Variants in CASP10 observed in about 807,000 individuals in gnomAD.
CASP10 encodes caspase-10.
Under a neutral mutation model 48.5 loss-of-function variants are expected in CASP10, and 41 were observed. The observed-to-expected ratio is 0.85, with a 90% confidence interval of 0.66 to 1.10. CASP10 has a LOEUF of 1.10. CASP10 is among the 50% of genes least tolerant of loss of function. The probability of loss-of-function intolerance (pLI) is 0.00; values close to 1 mark genes in which losing one functional copy is unlikely to be tolerated. For synonymous variants in CASP10, 232 were observed against 238.4 expected (o/e 0.97, Z 0.25); for missense variants, 614 against 614.5 (o/e 1.00, Z 0.01).
intron 9 of CASP10, 44 bp downstream of exon 9, chr2:201,209,606 A>G (rs1401864207): frequency 6.4e-7 from 1 of 1,561,522 alleles, no homozygotes; most frequent in South Asian, 1.2e-5. Flanking sequence ...AATTAGTTTT[A>G]TTTATTTTTT....
At chr2:201,207,616 G>A (rs1945248590) in intron 7 of CASP10, among the ~76,000 whole-genome samples, 1 of 152,136 alleles carries the variant, frequency 6.6e-6, no homozygotes, top group Non-Finnish European at 1.5e-5. Flanking sequence ...AATTACCTGG[G>A]CATGGTGGCG....
rs185318287 is a variant in CASP10 at position 201,219,655 on chromosome 2, C to T, written c.*1914C>T. 1.2e-4 allele frequency: 118 copies of T among 984,024 alleles called. 1 individual carries two copies. Among genetic ancestry groups the T allele is most frequent in the East Asian group, 1.1e-4 (1 of 8,774 alleles). The allele number at this position is 984,024 out of a possible 1,614,324, so 61.0% of individuals were successfully genotyped here. Reference sequence around the variant, plus strand: ...CCTGAAGGGAGTGGCTCTGTAAGGACGCCTTGATGCTTTCTTCATTAAGAT... The same window carrying T: ...CCTGAAGGGAGTGGCTCTGTAAGGATGCCTTGATGCTTTCTTCATTAAGAT... On this transcript the variant is annotated 3_prime_UTR_variant, in exon 10 of 10. Transcript: ENST00000286186.
intron 3 of CASP10, among the ~76,000 whole-genome samples, chr2:201,188,363 A>G (rs1463316533): frequency 6.6e-6 from 1 of 152,036 alleles, no homozygotes; most frequent in Non-Finnish European, 1.5e-5. Context: ...TATTTTTAGT[A>G]CAGACAGGGT....
At chr2:201,189,351 C>G (rs1359230800) in intron 3 of CASP10, among the ~76,000 whole-genome samples, 1 of 150,654 alleles carries the variant, frequency 6.6e-6, no homozygotes, top group Admixed American at 6.6e-5. Context: ...TCACTGCAAC[C>G]TCTGCCTCCC....
At position 201,212,648 on chromosome 2, in the gene CASP10, C is replaced by T. The variant is rs1945436894; in HGVS notation, c.1415+3086C>T. ...GCCAATTAGTAGAAAAGATATAATT[C>T]CTACACCCTCTCATCTGATAAAGAG... On this transcript the variant is annotated intron_variant, in intron 9 of 9. Transcript: ENST00000286186. The T allele has an allele frequency of 2.0e-5, 3 of 152,140 alleles. No homozygotes were observed. In the South Asian group the frequency reaches 6.2e-4, roughly 32 times the overall value. 9.4% of individuals were successfully genotyped at this position (152,140 alleles called of 1,614,324 possible).
rs41372045 is a variant in CASP10 at position 201,190,957 on chromosome 2, G to C, written c.442-2027G>C. On this transcript the variant is annotated intron_variant, in intron 3 of 9. Coordinates refer to ENST00000286186, the MANE Select transcript of CASP10 (RefSeq NM_032977.4). ...GCTCACTGCAACCTCTGCCTCCTGG[G>C]TTCAAGTGATCCTCCTGCCTCAGCC... Among the ~76,000 whole-genome samples the C allele has an allele frequency of 1.5e-3, 226 of 152,036 alleles. 3 individuals carry two copies. Among genetic ancestry groups the C allele is most frequent in the African/African-American group, 5.4e-3 (222 of 41,478 alleles).
In CASP10 at chr2:201,205,889, A is replaced by G. The variant is rs374515060; in HGVS notation, c.729A>G (p.Arg243=). 3.5e-5 allele frequency: 56 copies of G among 1,605,352 alleles called. No individual in the cohort carries two copies. Among genetic ancestry groups the G allele is most frequent in the Non-Finnish European group, 4.7e-5 (55 of 1,172,166 alleles). Residue 243 remains arginine (R), a synonymous_variant, in exon 7 of 10, where the codon AGA becomes AGG. Coordinates refer to ENST00000286186, the MANE Select transcript of CASP10 (RefSeq NM_032977.4). Reference sequence around the variant, plus strand: ...GAGTACCTCTCTTTCTAGGTAACAGAGCCACAAATGGTGCACCAAGCCTGG... The same window carrying G: ...GAGTACCTCTCTTTCTAGGTAACAGGGCCACAAATGGTGCACCAAGCCTGG... ...QNKHAGSNGN[R]ATNGAPSLVS...
chr2:201,208,414 G>A (rs1559308265), intron 8 of CASP10: 2 of 981,350 alleles, frequency 2.0e-6, no homozygotes, highest in African/African-American at 1.8e-5. Flanking sequence ...GGGAGAGCCT[G>A]CTGGATTGGC....
intron 4 of CASP10, chr2:201,193,359 C>A (rs1038389995): frequency 1.3e-4 from 50 of 391,500 alleles, no homozygotes; most frequent in African/African-American, 1.0e-3. Context: ...AGGAGCCTGC[C>A]ACCACGCCTG....
At position 201,220,469 on chromosome 2, in the gene CASP10, G is replaced by A. The variant is rs1329186562; in HGVS notation, c.*2728G>A. 6.5e-6 allele frequency: 1 copy of A among 153,490 alleles called. No individual in the cohort carries two copies. The highest frequency in any genetic ancestry group is 2.4e-5 in the African/African-American group (1 of 41,432). The allele number at this position is 153,490 out of a possible 1,614,324, so 9.5% of individuals were successfully genotyped here. ...GGGAAGCTAAAAGCAGACTGGAGGGGGGTGGGGTGTACCTACAGCTGCAGA... is the reference window on the plus strand; with the variant it reads ...GGGAAGCTAAAAGCAGACTGGAGGGAGGTGGGGTGTACCTACAGCTGCAGA... On this transcript the variant is annotated 3_prime_UTR_variant, in exon 10 of 10. Transcript: ENST00000286186.
At chr2:201,192,898 C>G in intron 3 of CASP10, 86 bp from the exon 4 acceptor site, 1 of 1,391,174 alleles carries the variant, frequency 7.2e-7, no homozygotes, top group Non-Finnish European at 1.0e-6. Context: ...AGTGCAAAAC[C>G]TAGTGCCTAC....
chr2:201,212,020 C>G (rs1945412678), intron 9 of CASP10, among the ~76,000 whole-genome samples: 1 of 152,162 alleles, frequency 6.6e-6, no homozygotes, highest in African/African-American at 2.4e-5. Flanking sequence ...GCAATCTCAG[C>G]TCACTGCAGC....
chr2:201,219,962 T>C lies in CASP10; in HGVS notation c.*2221T>C, dbSNP rs1048295684. ...AGGGCATTAGGAGTGTTTCATTTGA[T>C]ATGTGAATGCTCATAAAAAAATGTC... On this transcript the variant is annotated 3_prime_UTR_variant, in exon 10 of 10. Coordinates refer to ENST00000286186, the MANE Select transcript of CASP10 (RefSeq NM_032977.4). The C allele has an allele frequency of 1.0e-6, 1 of 985,308 alleles. No homozygotes were observed. Among genetic ancestry groups the C allele is most frequent in the African/African-American group, 1.7e-5 (1 of 57,234 alleles). 61.0% of individuals were successfully genotyped at this position (985,308 alleles called of 1,614,324 possible).
In CASP10 at chr2:201,195,825, T is replaced by C. The variant is rs776556990; in HGVS notation, c.578-17T>C. ...AGAAGGTGATTTTTATTTTTCTGTCTGTGATTTTATTTTCAGCTATCCAGA... is the reference window on the plus strand; with the variant it reads ...AGAAGGTGATTTTTATTTTTCTGTCCGTGATTTTATTTTCAGCTATCCAGA... On this transcript the variant is annotated splice_polypyrimidine_tract_variant and intron_variant, in intron 4 of 9. Coordinates refer to ENST00000286186, the MANE Select transcript of CASP10 (RefSeq NM_032977.4). 3.8e-6 allele frequency: 6 copies of C among 1,583,196 alleles called. No homozygotes were observed. Among genetic ancestry groups the C allele is most frequent in the Non-Finnish European group, 5.2e-6 (6 of 1,152,064 alleles).
Position 201,218,804 on chromosome 2 carries a change from C to T in CASP10, c.*1063C>T. The T allele has an allele frequency of 2.0e-6, 2 of 985,480 alleles. No homozygotes were observed. Among genetic ancestry groups the T allele is most frequent in the South Asian group, 4.7e-5 (1 of 21,288 alleles). 61.0% of individuals were successfully genotyped at this position (985,480 alleles called of 1,614,324 possible). On this transcript the variant is annotated 3_prime_UTR_variant, in exon 10 of 10. Coordinates refer to ENST00000286186, the MANE Select transcript of CASP10 (RefSeq NM_032977.4). ...CCCTTCCTAAGACTTCTCTTTTGCACATCTAGTGAGGTGAAAATTTGGTCT... is the reference window on the plus strand; with the variant it reads ...CCCTTCCTAAGACTTCTCTTTTGCATATCTAGTGAGGTGAAAATTTGGTCT...
intron 1 of CASP10, among the ~76,000 whole-genome samples, 169 bp downstream of exon 1, chr2:201,183,477 C>T (rs1463867617): frequency 6.6e-6 from 1 of 152,084 alleles, no homozygotes; most frequent in Non-Finnish European, 1.5e-5. Flanking sequence ...ATCCGGAAGC[C>T]TCCAACATAG....
intron 5 of CASP10, chr2:201,200,512 C>A: frequency 1.3e-6 from 2 of 1,598,220 alleles, no homozygotes; most frequent in South Asian, 2.2e-5. Context: ...GCTCCTGGAG[C>A]TTGGCAAAGG....
At chr2:201,204,577 A>G (rs1226121697) in intron 6 of CASP10, among the ~76,000 whole-genome samples, 1 of 152,184 alleles carries the variant, frequency 6.6e-6, no homozygotes, top group Non-Finnish European at 1.5e-5. Context: ...ATTCTCACTA[A>G]TGATGAGGAA....
chr2:201,201,035 C>G (rs1159996756), intron 5 of CASP10, among the ~76,000 whole-genome samples: 1 of 151,954 alleles, frequency 6.6e-6, no homozygotes, highest in Admixed American at 6.6e-5. Context: ...CCCGCTCCCC[C>G]AGAAGCTCTT....
Sources: allele counts gnomAD v4.1 joint callset (sites outside exome capture counted in the v4.1 genomes callset), GRCh38; gene constraint gnomAD v4.1.1; transcripts MANE v1.5; gene names NCBI Gene and HGNC (gene_info 2026-07-23, HGNC 2026-07-21).